The following PTPRQ variants were observed in gnomAD, a reference collection of about 807,000 sequenced individuals.
PTPRQ encodes phosphatidylinositol phosphatase PTPRQ.
PTPRQ carries 199 observed loss-of-function variants against 246.0 expected under a neutral mutation model. The ratio of observed to expected loss-of-function variants is 0.81; its 90% confidence interval spans 0.72 to 0.91. The LOEUF (loss-of-function observed/expected upper bound fraction) is 0.91. Ranked by LOEUF, PTPRQ falls within the 40% of genes least tolerant of loss-of-function variation. The pLI, the probability that PTPRQ is intolerant of heterozygous loss-of-function variation, is 0.00. For synonymous variants in PTPRQ, 869 were observed against 853.2 expected, an observed-to-expected ratio of 1.02 and a Z score of -0.32; for missense variants, 2,624 against 2,528.4, an observed-to-expected ratio of 1.04 and a Z score of -0.81.
chr12:80,623,674 A>G (rs974357755), intron 33 of PTPRQ, among the ~76,000 whole-genome samples: 24 of 152,170 alleles, frequency 1.6e-4, no homozygotes, highest in Admixed American at 3.3e-4. Flanking sequence ...ATAATATTTT[A>G]TAGGAGCAGT....
intron 9 of PTPRQ, among the ~76,000 whole-genome samples, chr12:80,488,296 T>C (rs1894343036): frequency 6.6e-6 from 1 of 151,944 alleles, no homozygotes. Flanking sequence ...GAGGTGGGTA[T>C]AGTGGGTATC....
At chr12:80,571,068 CT>C (rs1235616673) in intron 25 of PTPRQ, among the ~76,000 whole-genome samples, 1 of 152,124 alleles carries the variant, frequency 6.6e-6, no homozygotes, top group African/African-American at 2.4e-5. Flanking sequence ...GCTATGTGCT[CT>C]TTTTTGGTTC....
At chr12:80,585,596 A>C (rs1328190220) in intron 25 of PTPRQ, among the ~76,000 whole-genome samples, 1 of 152,172 alleles carries the variant, frequency 6.6e-6, no homozygotes, top group African/African-American at 2.4e-5. Context: ...CCAGTCACTC[A>C]GTCCTTCTTG....
intron 38 of PTPRQ, among the ~76,000 whole-genome samples, chr12:80,653,210 G>C (rs1010722941): frequency 6.6e-6 from 1 of 152,096 alleles, no homozygotes; most frequent in East Asian, 1.9e-4. Context: ...GCATAGCAGT[G>C]TTTTCCTATG....
intron 43 of PTPRQ, among the ~76,000 whole-genome samples, chr12:80,677,042 G>T (rs1039814799): frequency 3.9e-5 from 6 of 152,092 alleles, no homozygotes; most frequent in Non-Finnish European, 7.3e-5. Flanking sequence ...AACGGCAGAA[G>T]GACCTTGGAA....
At chr12:80,543,279 G>A (rs12310283) in intron 23 of PTPRQ, among the ~76,000 whole-genome samples, 14,519 of 151,682 alleles carry the variant, frequency 0.096, 1,895 homozygotes, top group African/African-American at 0.29. Context: ...TGGACTTCTG[G>A]TCATCTTTCC....
intron 14 of PTPRQ, among the ~76,000 whole-genome samples, 191 bp from the exon 15 acceptor site, chr12:80,505,833 A>G (rs1894938885): frequency 6.6e-6 from 1 of 151,912 alleles, no homozygotes; most frequent in Non-Finnish European, 1.5e-5. Flanking sequence ...TTTCTTTTGA[A>G]TGAAAATTTT....
At chr12:80,600,492 G>A (rs568180005) in intron 26 of PTPRQ, among the ~76,000 whole-genome samples, 87 of 151,842 alleles carry the variant, frequency 5.7e-4, no homozygotes, top group African/African-American at 2.0e-3. Context: ...CAGAGATACA[G>A]AAATTTTTCC....
intron 25 of PTPRQ, among the ~76,000 whole-genome samples, chr12:80,554,665 G>A (rs930226045): frequency 1.3e-5 from 2 of 152,132 alleles, no homozygotes; most frequent in Admixed American, 1.3e-4. Context: ...TGATCCACTG[G>A]AAATCCACTG....
rs182589196 is a variant in PTPRQ at position 80,672,320 on chromosome 12, T to C, written c.6603-849T>C. On this transcript the variant is annotated intron_variant, in intron 42 of 44. Coordinates refer to ENST00000644991, the MANE Select transcript of PTPRQ (RefSeq NM_001145026.2). ...AATGGCTGTGTGGCATGTATATATA[T>C]ATACATGTTACTATACTCAGTTTTA... 5.4e-3 allele frequency among the ~76,000 whole-genome samples: 821 copies of C among 151,628 alleles called. 1 individual carries two copies. The highest frequency in any genetic ancestry group is 9.0e-3 in the Non-Finnish European group (612 of 67,896).
Position 80,669,097 on chromosome 12 carries a change from G to C in PTPRQ, c.6283G>C (p.Ala2095Pro). Residue 2095 changes from alanine to proline, a missense_variant, in exon 40 of 45, where the codon GCA (alanine) becomes CCA (proline). Physicochemically the swap from Ala to Pro is conservative, Grantham distance 27. Transcript: ENST00000644991. ...DFWRMVWETRAKTLVMLTQCF... is the reference protein window; with the variant it reads ...DFWRMVWETRPKTLVMLTQCF... ...TTGGAGAATGGTGTGGGAAACCAGA[G>C]CAAAAACATTAGTAATGCTAACACA... is the stretch of plus-strand genomic sequence containing the variant. 6.4e-7 allele frequency: 1 copy of C among 1,550,422 alleles called. No homozygotes were observed. Among genetic ancestry groups the C allele is most frequent in the Non-Finnish European group, 8.7e-7 (1 of 1,146,080 alleles).
chr12:80,588,421 A>G lies in PTPRQ; in HGVS notation c.4578A>G (p.Ser1526=), dbSNP rs1241864376. The G allele has an allele frequency of 6.7e-7, 1 of 1,495,546 alleles. No homozygotes were observed. The highest frequency in any genetic ancestry group is 8.9e-7 in the Non-Finnish European group (1 of 1,121,426). The allele number at this position is 1,495,546 out of a possible 1,614,324, so 92.6% of individuals were successfully genotyped here. ...ASTNAGYGNA[S]NWISTKTLPG... ...CCAATGCTGGCTATGGCAATGCTTC[A>G]AACTGGATTTCTACAAAAACTCTGC... is the stretch of plus-strand genomic sequence containing the variant. The change falls in exon 26 of 45, where the codon TCA becomes TCG. Residue 1526 remains serine, a synonymous_variant. Coordinates refer to ENST00000644991, the MANE Select transcript of PTPRQ (RefSeq NM_001145026.2).
At chr12:80,539,212 T>G (rs1177494935) in intron 19 of PTPRQ, among the ~76,000 whole-genome samples, 1 of 152,122 alleles carries the variant, frequency 6.6e-6, no homozygotes, top group Admixed American at 6.5e-5. Context: ...ACTCTACACA[T>G]CAGAGAGTAC....
chr12:80,517,394 T>C lies in PTPRQ; in HGVS notation c.2678+6951T>C, dbSNP rs1249725745. Among the ~76,000 whole-genome samples, 7 of 152,196 alleles carry C rather than the reference T, an allele frequency of 4.6e-5. No homozygotes were observed. In the East Asian group the frequency reaches 9.7e-4, roughly 21 times the overall value. ...AAAATTTTGTAGGTACATAGTAGGTTTATATATTTATGGGGTACATGAGAT... is the reference window on the plus strand; with the variant it reads ...AAAATTTTGTAGGTACATAGTAGGTCTATATATTTATGGGGTACATGAGAT... On this transcript the variant is annotated intron_variant, in intron 17 of 44. Coordinates refer to ENST00000644991, the MANE Select transcript of PTPRQ (RefSeq NM_001145026.2).
intron 2 of PTPRQ, 98 bp downstream of exon 2, chr12:80,444,947 T>C: frequency 1.5e-6 from 2 of 1,334,570 alleles, no homozygotes; most frequent in Non-Finnish European, 2.0e-6. Flanking sequence ...GTACATTAAA[T>C]TCATGAAAAC....
intron 14 of PTPRQ, among the ~76,000 whole-genome samples, chr12:80,501,955 A>G (rs1035719324): frequency 5.9e-5 from 9 of 151,574 alleles, no homozygotes; most frequent in African/African-American, 2.2e-4. Flanking sequence ...AAAAAAATGT[A>G]GAAAATGAGG....
chr12:80,568,729 A>C (rs903046998), intron 25 of PTPRQ, among the ~76,000 whole-genome samples: 2 of 152,230 alleles, frequency 1.3e-5, no homozygotes, highest in Non-Finnish European at 2.9e-5. Context: ...CAAGGAGGCA[A>C]CATAACTACA....
chr12:80,578,148 C>A (rs956576895), intron 25 of PTPRQ, among the ~76,000 whole-genome samples: 3 of 150,580 alleles, frequency 2.0e-5, no homozygotes, highest in Admixed American at 6.6e-5. Flanking sequence ...TATACATGTG[C>A]CATGTTGGTG....
chr12:80,670,639 G>A, intron 42 of PTPRQ, 147 bp downstream of exon 42: 2 of 1,237,412 alleles, frequency 1.6e-6, no homozygotes, highest in Non-Finnish European at 2.1e-6. Context: ...TAGACACATT[G>A]GTATGATTTA....
Sources: allele counts gnomAD v4.1 joint callset (sites outside exome capture counted in the v4.1 genomes callset), GRCh38; gene constraint gnomAD v4.1.1; transcripts MANE v1.5; gene names NCBI Gene and HGNC (gene_info 2026-07-23, HGNC 2026-07-21).